The following ZC3H7A variants were observed in gnomAD, a reference collection of about 807,000 sequenced individuals.
ZC3H7A encodes zinc finger CCCH-type containing 7A, also known as zinc finger CCCH domain-containing protein 7A.
In ZC3H7A, 44 loss-of-function variants were observed where a neutral mutation model predicts 125.5. That is an observed-to-expected ratio of 0.35 (90% confidence interval 0.28 to 0.45). The LOEUF (loss-of-function observed/expected upper bound fraction) is 0.45. Ranked by LOEUF, ZC3H7A falls within the 20% of genes least tolerant of loss-of-function variation. ZC3H7A has a pLI of 1.00. For missense variants in ZC3H7A, 977 were observed against 1,170.7 expected (o/e 0.83, Z 2.41); for synonymous variants, 399 against 391.2 (o/e 1.02, Z -0.23).
chr16:11,795,641 G>T (rs957003662), intron 1 of ZC3H7A, among the ~76,000 whole-genome samples: 2 of 151,800 alleles, frequency 1.3e-5, no homozygotes, highest in Admixed American at 1.3e-4. Context: ...TCTCCATGTT[G>T]GCCAGGCTGG....
In ZC3H7A at chr16:11,769,710, C is replaced by CAAAAAAAAAAAAAAA. The variant is rs529124830; in HGVS notation, c.1109-630_1109-616dup. Among the ~76,000 whole-genome samples, 6 of 32,554 alleles carry CAAAAAAAAAAAAAAA rather than the reference C, an allele frequency of 1.8e-4. 1 individual carries two copies. Among genetic ancestry groups the CAAAAAAAAAAAAAAA allele is most frequent in the African/African-American group, 9.4e-4 (5 of 5,330 alleles). 21.4% of individuals were successfully genotyped at this position (32,554 alleles called of 152,430 possible). On this transcript the variant is annotated intron_variant, in intron 10 of 22. Transcript: ENST00000355758. Reference sequence around the variant, plus strand: ...TGGGCAACAGAGTGAGACTCTGTCTCAAAAAAAAAAAAAAAAAAAGCAGGA... The same window carrying CAAAAAAAAAAAAAAA: ...TGGGCAACAGAGTGAGACTCTGTCTCAAAAAAAAAAAAAAAAAAAAAAAAAAAAAAAAAAGCAGGA...
At chr16:11,762,403 C>T (rs569185674) in intron 17 of ZC3H7A, among the ~76,000 whole-genome samples, 11 of 152,110 alleles carry the variant, frequency 7.2e-5, no homozygotes, top group African/African-American at 2.4e-4. Flanking sequence ...TCCGAGAACC[C>T]GTAAAGCCCA....
Position 11,776,867 on chromosome 16 carries a change from T to A in ZC3H7A, c.349A>T (p.Ser117Cys). The A allele has an allele frequency of 6.2e-7, 1 of 1,613,384 alleles. No individual in the cohort carries two copies. The highest frequency in any genetic ancestry group is 8.5e-7 in the Non-Finnish European group (1 of 1,179,804). Residue 117 changes from serine to cysteine, a missense_variant, in exon 5 of 23, where the codon AGT (serine) becomes TGT (cysteine). Ser to Cys is a moderately radical substitution (Grantham distance 112). Coordinates refer to ENST00000355758, the MANE Select transcript of ZC3H7A (RefSeq NM_014153.4). ...KVLEDCNIVL[S>C]LNASNCKALY... The stretch of plus-strand genomic sequence containing the variant: ...GCTTTGCAGTTACTGGCATTTAAAC[T>A]GAGGACTATATTGCAGTCCTCCAAA...
At position 11,762,687 on chromosome 16, in the gene ZC3H7A, T is replaced by C. The variant is rs763325887; in HGVS notation, c.2063A>G (p.Asn688Ser). 1.2e-6 allele frequency: 2 copies of C among 1,614,060 alleles called. No individual in the cohort carries two copies. Among genetic ancestry groups the C allele is most frequent in the Non-Finnish European group, 1.7e-6 (2 of 1,180,010 alleles). The change falls in exon 17 of 23, where the codon AAT (asparagine) becomes AGT (serine). Residue 688 changes from asparagine to serine, a missense_variant. Physicochemically the swap from Asn to Ser is conservative, Grantham distance 46. Around this residue, in one of 3 missense-constraint regions of ZC3H7A, gnomAD observed 436 missense variants for 603.2 expected, o/e 0.72. Transcript: ENST00000355758. ...SKRYWQNLEA[N>S]VPGAQVLGNQ... ...GAAAAATACCTGCGCTCCAGGTACATTTGCTTCCAAATTCTGCCAATATCG... is the reference window on the plus strand; with the variant it reads ...GAAAAATACCTGCGCTCCAGGTACACTTGCTTCCAAATTCTGCCAATATCG...
At chr16:11,751,820 T>C (rs901950620) in intron 22 of ZC3H7A, among the ~76,000 whole-genome samples, 3 of 151,904 alleles carry the variant, frequency 2.0e-5, no homozygotes, top group African/African-American at 7.2e-5. Context: ...AAGGATCACA[T>C]GGATCTAAAT....
At chr16:11,771,201 A>G (rs2052974754) in intron 9 of ZC3H7A, among the ~76,000 whole-genome samples, 1 of 152,114 alleles carries the variant, frequency 6.6e-6, no homozygotes, top group African/African-American at 2.4e-5. Context: ...CAGCCTGGGC[A>G]ACACGGTGAA....
Position 11,765,463 on chromosome 16 carries a change from T to C in ZC3H7A, c.1719+26A>G. On this transcript the variant is annotated intron_variant, in intron 14 of 22. Coordinates refer to ENST00000355758, the MANE Select transcript of ZC3H7A (RefSeq NM_014153.4). This position sits in a 1 kb window ranked among gnomAD's most constrained non-coding sequence, Gnocchi z 4.8. ...TGGGCTTGCAAATTCAACTTTACAGTGGAAAATAAGTTTTGGAGAACACAC... is the reference window on the plus strand; with the variant it reads ...TGGGCTTGCAAATTCAACTTTACAGCGGAAAATAAGTTTTGGAGAACACAC... The C allele has an allele frequency of 2.5e-6, 4 of 1,587,264 alleles. No homozygotes were observed. Among genetic ancestry groups the C allele is most frequent in the Non-Finnish European group, 3.4e-6 (4 of 1,164,104 alleles).
intron 4 of ZC3H7A, among the ~76,000 whole-genome samples, chr16:11,778,924 G>A (rs904333072): frequency 6.6e-6 from 1 of 152,024 alleles, no homozygotes; most frequent in Non-Finnish European, 1.5e-5. Flanking sequence ...ATATTGGCCA[G>A]GCTGGTCTCA....
chr16:11,758,687 T>A, intron 19 of ZC3H7A, 148 bp from the exon 20 acceptor site: 1 of 614,200 alleles, frequency 1.6e-6, no homozygotes, highest in Non-Finnish European at 2.8e-6. Context: ...CTACTCAAAT[T>A]AACTATATGC....
chr16:11,793,604 GC>G (rs1397515559), intron 1 of ZC3H7A, among the ~76,000 whole-genome samples: 3 of 152,112 alleles, frequency 2.0e-5, no homozygotes, highest in Admixed American at 1.3e-4. Flanking sequence ...CCAGACTGAA[GC>G]CTGTGTAATA....
chr16:11,784,220 A>C (rs13330550), intron 1 of ZC3H7A, among the ~76,000 whole-genome samples: 3,810 of 152,272 alleles, frequency 0.025, 163 homozygotes, highest in African/African-American at 0.088. Flanking sequence ...AAGAATGCCA[A>C]AAATATGGAT....
chr16:11,784,035 G>A lies in ZC3H7A; in HGVS notation c.-34-1647C>T, dbSNP rs1005053633. 6.6e-5 allele frequency among the ~76,000 whole-genome samples: 10 copies of A among 152,290 alleles called. No individual in the cohort carries two copies. The South Asian group carries it at 1.9e-3, about 28-fold the overall frequency. The stretch of plus-strand genomic sequence containing the variant: ...CAGCAGAATGCTGATAACCAGGGGA[G>A]GGTGAGAAGTGCAGGGGATTCTTCA... On this transcript the variant is annotated intron_variant, in intron 1 of 22. Coordinates refer to ENST00000355758, the MANE Select transcript of ZC3H7A (RefSeq NM_014153.4).
chr16:11,792,849 T>C (rs1222262257), intron 1 of ZC3H7A, among the ~76,000 whole-genome samples: 1 of 152,176 alleles, frequency 6.6e-6, no homozygotes, highest in African/African-American at 2.4e-5. Context: ...AGGGTGGCCC[T>C]GGGCTGGGCT....
intron 3 of ZC3H7A, 40 bp from the exon 4 acceptor site, chr16:11,779,403 A>G (rs775436782): frequency 6.4e-7 from 1 of 1,571,672 alleles, no homozygotes; most frequent in South Asian, 1.2e-5. Context: ...CTTTTATCAA[A>G]CAAGATATGG....
intron 8 of ZC3H7A, 25 bp downstream of exon 8, chr16:11,774,955 G>C: frequency 6.2e-7 from 1 of 1,613,350 alleles, no homozygotes; most frequent in Non-Finnish European, 8.5e-7. Flanking sequence ...TATTCAAATT[G>C]TTAAGATGAT....
chr16:11,791,229 C>G (rs1348823984), intron 1 of ZC3H7A, among the ~76,000 whole-genome samples: 1 of 152,062 alleles, frequency 6.6e-6, no homozygotes, highest in Non-Finnish European at 1.5e-5. Flanking sequence ...CCCCCATCCC[C>G]AAGCCACGCA....
intron 10 of ZC3H7A, among the ~76,000 whole-genome samples, chr16:11,769,710 C>CAAAAAAAAAAAAAAAAAAAAAAAAAA (rs529124830): frequency 1.5e-4 from 5 of 32,552 alleles, no homozygotes; most frequent in Admixed American, 3.9e-4. Context: ...GACTCTGTCT[C>CAAAAAAAAAAAAAAAAAAAAAAAAAA]AAAAAAAAAA....
intron 21 of ZC3H7A, 43 bp from the exon 22 acceptor site, chr16:11,752,875 T>C (rs1168053198): frequency 6.3e-7 from 1 of 1,588,798 alleles, no homozygotes; most frequent in Admixed American, 1.8e-5. Flanking sequence ...TCACCTGATG[T>C]GAGATCCAGA....
intron 19 of ZC3H7A, chr16:11,758,865 C>T: frequency 3.8e-6 from 1 of 264,442 alleles, no homozygotes; most frequent in Non-Finnish European, 7.2e-6. Context: ...CTCAGTCTGA[C>T]AGCTCCTGTT....
Sources: gnomAD v4.1 joint callset for allele counts (sites outside exome capture counted in the v4.1 genomes callset) on GRCh38, gnomAD v4.1.1 for gene constraint, gnomAD v4.1.1 regional missense constraint, Gnocchi (gnomAD v3.1) non-coding constraint, MANE v1.5 for transcripts, NCBI Gene and HGNC (gene_info 2026-07-23, HGNC 2026-07-21) for gene names.